Variants in PGM5 observed in about 807,000 individuals in gnomAD.
The protein encoded by PGM5 is phosphoglucomutase-like protein 5.
PGM5 carries 23 observed loss-of-function variants against 59.2 expected under a neutral mutation model. The observed-to-expected ratio is 0.39, with a 90% CI of 0.28 to 0.55. The LOEUF (loss-of-function observed/expected upper bound fraction) is 0.55. PGM5 is among the 20% of genes least tolerant of loss of function. The pLI is 0.66. For missense variants in PGM5, 574 were observed against 748.3 expected (o/e 0.77, Z 2.72); for synonymous variants, 214 against 286.0 (o/e 0.75, Z 2.54).
At chr9:68,512,315 G>C (rs1554689431) in intron 10 of PGM5, among the ~76,000 whole-genome samples, 1 of 152,214 alleles carries the variant, frequency 6.6e-6, no homozygotes, top group Non-Finnish European at 1.5e-5. Flanking sequence ...CTTGGAGCAG[G>C]AGTCAAGTTT....
intron 9 of PGM5, among the ~76,000 whole-genome samples, chr9:68,493,787 C>G (rs1824439037): frequency 6.6e-6 from 1 of 152,162 alleles, no homozygotes; most frequent in African/African-American, 2.4e-5. Context: ...ACTGACTCTT[C>G]ATAAACAGCA....
At chr9:68,369,427 T>TG (rs1554676988) in intron 1 of PGM5, among the ~76,000 whole-genome samples, 1 of 152,124 alleles carries the variant, frequency 6.6e-6, no homozygotes, top group Non-Finnish European at 1.5e-5. Flanking sequence ...CCAGCTGGGG[T>TG]GGTCACCTCA....
chr9:68,436,120 C>T (rs551411627), intron 6 of PGM5, among the ~76,000 whole-genome samples: 1 of 152,316 alleles, frequency 6.6e-6, no homozygotes, highest in African/African-American at 2.4e-5. Context: ...TTTCACACCA[C>T]ATAACTTAGC....
chr9:68,529,653 C>T lies in PGM5; in HGVS notation c.1701C>T (p.Thr567=), dbSNP rs1373686694. Residue 567 remains threonine, a synonymous_variant, in exon 11 of 11, where the codon ACC becomes ACT. Transcript: ENST00000396396. ...RTGRRGPTVI[T] ...GCCGGAGGGGACCCACTGTCATCAC[C>T]TGAATAGAGGAAAGATCACTCACCA... 6.3e-7 allele frequency: 1 copy of T among 1,586,466 alleles called. No individual in the cohort carries two copies.
intron 9 of PGM5, among the ~76,000 whole-genome samples, chr9:68,496,027 G>T (rs907387663): frequency 6.6e-6 from 1 of 152,208 alleles, no homozygotes; most frequent in Non-Finnish European, 1.5e-5. Flanking sequence ...GAATGGACAC[G>T]ACTGTGCCCC....
At chr9:68,510,386 C>T (rs1027141033) in intron 10 of PGM5, among the ~76,000 whole-genome samples, 4 of 151,940 alleles carry the variant, frequency 2.6e-5, no homozygotes, top group African/African-American at 9.7e-5. Context: ...CTCCTGACCT[C>T]GTGATCCGCC....
intron 2 of PGM5, among the ~76,000 whole-genome samples, chr9:68,381,095 C>G (rs1822061393): frequency 6.6e-6 from 1 of 151,904 alleles, no homozygotes; most frequent in South Asian, 2.1e-4. Context: ...AGGCCAGCAT[C>G]ACCTTGATAC....
chr9:68,363,766 A>T (rs1191581489), intron 1 of PGM5, among the ~76,000 whole-genome samples: 3 of 152,298 alleles, frequency 2.0e-5, no homozygotes, highest in Admixed American at 2.0e-4. Flanking sequence ...TACAAGTTGG[A>T]GGGCAGATGC....
At chr9:68,418,035 T>C (rs1263532339) in intron 6 of PGM5, among the ~76,000 whole-genome samples, 6 of 152,204 alleles carry the variant, frequency 3.9e-5, no homozygotes, top group African/African-American at 1.4e-4. Flanking sequence ...ATCTCTCTCT[T>C]GTTTTGCTGT....
rs1032986056 is a variant in PGM5 at position 68,530,058 on chromosome 9, C to T, written c.*402C>T. 6.2e-6 allele frequency: 1 copy of T among 161,148 alleles called. No homozygotes were observed. The highest frequency in any genetic ancestry group is 1.3e-5 in the Non-Finnish European group (1 of 74,256). The allele number at this position is 161,148 out of a possible 1,614,324, so 10.0% of individuals were successfully genotyped here. On this transcript the variant is annotated 3_prime_UTR_variant, in exon 11 of 11. Transcript: ENST00000396396. Reference sequence around the variant, plus strand: ...GAAACTGACCCTAAGTCCCAGGTGCCCCTGGGCAGGCAGAAGGAGACACTC... The same window carrying T: ...GAAACTGACCCTAAGTCCCAGGTGCTCCTGGGCAGGCAGAAGGAGACACTC...
intron 9 of PGM5, among the ~76,000 whole-genome samples, chr9:68,492,916 C>T (rs75602516): frequency 0.034 from 5,165 of 152,232 alleles, 306 homozygotes; most frequent in African/African-American, 0.12. Context: ...TTCACCTTGA[C>T]GCTTTCCAGA....
At chr9:68,384,985 A>C (rs1234570296) in intron 3 of PGM5, among the ~76,000 whole-genome samples, 1 of 151,960 alleles carries the variant, frequency 6.6e-6, no homozygotes, top group African/African-American at 2.4e-5. Context: ...CAGCTTATTG[A>C]ATGCATAATT....
intron 10 of PGM5, among the ~76,000 whole-genome samples, chr9:68,512,345 A>G (rs1328877988): frequency 6.6e-6 from 1 of 152,234 alleles, no homozygotes; most frequent in African/African-American, 2.4e-5. Context: ...AGGCCCAGAG[A>G]GTAAATAGTT....
intron 6 of PGM5, among the ~76,000 whole-genome samples, chr9:68,393,099 G>A (rs1822408437): frequency 6.6e-6 from 1 of 151,760 alleles, no homozygotes; most frequent in Admixed American, 6.6e-5. Context: ...CATCCCTCTT[G>A]TCTATCACCC....
chr9:68,410,742 A>G (rs537512564), intron 6 of PGM5, among the ~76,000 whole-genome samples: 1 of 152,232 alleles, frequency 6.6e-6, no homozygotes, highest in South Asian at 2.1e-4. Flanking sequence ...GAGTCATGAT[A>G]TAGCCACAAA....
At chr9:68,386,503 A>G (rs1822222141) in intron 3 of PGM5, among the ~76,000 whole-genome samples, 2 of 152,228 alleles carry the variant, frequency 1.3e-5, no homozygotes, top group South Asian at 2.1e-4. Flanking sequence ...GATCTCATCC[A>G]TTAAATATCA....
chr9:68,428,017 C>T (rs781801927), intron 6 of PGM5, among the ~76,000 whole-genome samples: 1 of 152,154 alleles, frequency 6.6e-6, no homozygotes, highest in Non-Finnish European at 1.5e-5. Context: ...TTGTGGCTTT[C>T]CTTTTATAAT....
At chr9:68,376,797 CTT>C (rs1336330847) in intron 1 of PGM5, among the ~76,000 whole-genome samples, 65 of 107,824 alleles carry the variant, frequency 6.0e-4, no homozygotes, top group African/African-American at 1.4e-3. Context: ...TTCTTTCTTT[CTT>C]TCTTTCTTTC....
chr9:68,418,733 G>A (rs773084205), intron 6 of PGM5, among the ~76,000 whole-genome samples: 24 of 152,118 alleles, frequency 1.6e-4, no homozygotes, highest in Non-Finnish European at 1.3e-4. Context: ...AGCTGGCTGC[G>A]GCGGGGGTGG....
Sources: allele counts gnomAD v4.1 joint callset (sites outside exome capture counted in the v4.1 genomes callset), GRCh38; gene constraint gnomAD v4.1.1; transcripts MANE v1.5; gene names NCBI Gene and HGNC (gene_info 2026-07-23, HGNC 2026-07-21).